Variants in GLIPR1 observed in about 807,000 individuals in gnomAD.
GLIPR1 encodes the protein glioma pathogenesis-related protein 1.
A neutral mutation model predicts 30.3 loss-of-function variants in GLIPR1; 38 were observed. That is an observed-to-expected ratio of 1.26 (90% CI 0.97 to 1.65). GLIPR1 has a LOEUF of 1.65. GLIPR1 is among the 40% of genes most tolerant of loss of function. The pLI is 0.00. For missense variants in GLIPR1, 285 were observed against 326.5 expected, an observed-to-expected ratio of 0.87 and a Z score of 0.98; for synonymous variants, 122 against 110.6, an observed-to-expected ratio of 1.10 and a Z score of -0.65.
chr12:75,495,997 GTTTT>G lies in GLIPR1; in HGVS notation c.619+343_619+346del, dbSNP rs370713345. The G allele has an allele frequency of 1.3e-4, 17 of 132,332 alleles. No individual in the cohort carries two copies. In the East Asian group the frequency reaches 2.8e-3, roughly 22 times the overall value. The allele number at this position is 132,332 out of a possible 1,614,324, so 8.2% of individuals were successfully genotyped here. The stretch of plus-strand genomic sequence containing the variant: ...TCCAAACAAACAGAATTCTGTTTTC[GTTTT>G]TTTTTTTGTTTTTTTTTTTTGAGAC... On this transcript the variant is annotated intron_variant, in intron 4 of 5. Transcript: ENST00000266659.
At chr12:75,491,480 T>C (rs2046323537) in intron 3 of GLIPR1, 1 of 152,248 alleles carries the variant, frequency 6.6e-6, no homozygotes, top group African/African-American at 2.4e-5. Context: ...ACCTCATATA[T>C]GTATCTTCAG....
chr12:75,480,974 G>T lies in GLIPR1; in HGVS notation c.94G>T (p.Asp32Tyr), dbSNP rs371352627. 2.5e-6 allele frequency: 4 copies of T among 1,613,834 alleles called. No homozygotes were observed. Among genetic ancestry groups the T allele is most frequent in the Non-Finnish European group, 3.4e-6 (4 of 1,179,798 alleles). ...TATTTTGCCAGATATCGAAAATGAA[G>T]ATTTCATCAAAGACTGCGTTCGAAT... ...ANILPDIENE[D>Y]FIKDCVRIHN... The change falls in exon 1 of 6, where the codon GAT (aspartate) becomes TAT (tyrosine). Residue 32 changes from aspartate (D) to tyrosine (Y), a missense_variant. Physicochemically the swap from Asp to Tyr is radical, Grantham distance 160. Coordinates refer to ENST00000266659, the MANE Select transcript of GLIPR1 (RefSeq NM_006851.3).
rs2046380661 is a variant in GLIPR1, at chr12:75,500,012, A to G, written c.*1034A>G. On this transcript the variant is annotated 3_prime_UTR_variant, in exon 6 of 6. Coordinates refer to ENST00000266659, the MANE Select transcript of GLIPR1 (RefSeq NM_006851.3). ...TAGATTTTACCAAGTAAAACAAAGA[A>G]TATATGTTTAACAAAGAATATATGT... 1 of 1,312,664 alleles carries G rather than the reference A, an allele frequency of 7.6e-7. No homozygotes were observed. The highest frequency in any genetic ancestry group is 1.5e-5 in the African/African-American group (1 of 65,548). 81.3% of individuals were successfully genotyped at this position (1,312,664 alleles called of 1,614,324 possible). A position where few individuals can be genotyped will look rare whatever the true frequency, so the allele number is the denominator to read the frequency against.
In GLIPR1 at chr12:75,500,501, T is replaced by C. The variant is rs1224992164; in HGVS notation, c.*1523T>C. ...ATTGAATATTCAATGAATTAATTCA[T>C]TTAATGTTAGATTAATTCATTGAAT... On this transcript the variant is annotated 3_prime_UTR_variant, in exon 6 of 6. Transcript: ENST00000266659. 6.6e-6 allele frequency: 1 copy of C among 150,998 alleles called. No individual in the cohort carries two copies. The highest frequency in any genetic ancestry group is 1.5e-5 in the Non-Finnish European group (1 of 67,612). The allele number at this position is 150,998 out of a possible 1,614,324, so 9.4% of individuals were successfully genotyped here.
At chr12:75,491,425 G>T (rs552247173) in intron 3 of GLIPR1, 55 of 152,284 alleles carry the variant, frequency 3.6e-4, no homozygotes, top group African/African-American at 1.3e-3. Flanking sequence ...TCCTGTTGAA[G>T]AATTTAGATT....
intron 2 of GLIPR1, among the ~76,000 whole-genome samples, chr12:75,483,248 G>A (rs908330786): frequency 6.6e-6 from 1 of 152,156 alleles, no homozygotes; most frequent in African/African-American, 2.4e-5. Context: ...ACAAGACCTA[G>A]GGGAGTAGAA....
chr12:75,491,605 A>T (rs142755165), intron 3 of GLIPR1: 28 of 152,240 alleles, frequency 1.8e-4, no homozygotes, highest in Admixed American at 5.9e-4. Flanking sequence ...TTTGTATTTC[A>T]CCATCAGTAC....
At chr12:75,490,729 T>A in intron 3 of GLIPR1, 1 of 360,792 alleles carries the variant, frequency 2.8e-6, no homozygotes, top group Non-Finnish European at 5.1e-6. Context: ...AGAGAGAGGG[T>A]GTGTGTGTGT....
intron 2 of GLIPR1, among the ~76,000 whole-genome samples, chr12:75,483,218 A>G (rs557698498): frequency 6.6e-6 from 1 of 152,338 alleles, no homozygotes; most frequent in South Asian, 2.1e-4. Context: ...TAACCAGGAA[A>G]TAAGTTTCCT....
chr12:75,481,630 CACTT>C (rs1333892103), intron 1 of GLIPR1, among the ~76,000 whole-genome samples, 200 bp from the exon 2 acceptor site: 1 of 152,172 alleles, frequency 6.6e-6, no homozygotes, highest in Non-Finnish European at 1.5e-5. Context: ...CAGTTTTCCT[CACTT>C]AGATTCTAAA....
rs770029786 is a variant in GLIPR1, at chr12:75,490,413, G to A, written c.428G>A (p.Trp143Ter). ...KVCGHYTQVV[W>*]ADSYKVGCAV... ...ATCCTTATTTCCTTTCAGGTTGTTT[G>A]GGCAGATAGTTACAAAGTTGGCTGC... Residue 143 changes from tryptophan (W) to a stop codon, truncating the protein, a stop_gained, in exon 3 of 6, where the codon TGG becomes TAG. Coordinates refer to ENST00000266659, the MANE Select transcript of GLIPR1 (RefSeq NM_006851.3). LOFTEE classifies it high-confidence loss of function. 2.5e-6 allele frequency: 4 copies of A among 1,573,678 alleles called. No homozygotes were observed. In the Admixed American group the frequency reaches 5.0e-5, roughly 20 times the overall value.
Position 75,499,740 on chromosome 12 carries a change from C to G in GLIPR1, c.*762C>G, listed in dbSNP as rs747624039. The G allele has an allele frequency of 1.6e-6, 2 of 1,218,186 alleles. No individual in the cohort carries two copies. The highest frequency in any genetic ancestry group is 2.2e-6 in the Non-Finnish European group (2 of 896,556). 75.5% of individuals were successfully genotyped at this position (1,218,186 alleles called of 1,614,324 possible). ...CTCAGAAAATTTCTCACAAATAAGG[C>G]AACTAATGCCTGATATCTCAAAATC... On this transcript the variant is annotated 3_prime_UTR_variant, in exon 6 of 6. Coordinates refer to ENST00000266659, the MANE Select transcript of GLIPR1 (RefSeq NM_006851.3).
chr12:75,494,501 T>TCTC (rs1288895867), intron 3 of GLIPR1: 34 of 152,178 alleles, frequency 2.2e-4, no homozygotes, highest in African/African-American at 8.0e-4. Flanking sequence ...CGGTAGATCT[T>TCTC]AATAGAGAAG....
In GLIPR1 at chr12:75,503,802, T is replaced by C. The variant is rs1697751; in HGVS notation, c.*4824T>C. ...GCTCTGCACACACACACACAATATA[T>C]ATATATACACATATCCCACCTGAAA... On this transcript the variant is annotated 3_prime_UTR_variant, in exon 6 of 6. Coordinates refer to ENST00000266659, the MANE Select transcript of GLIPR1 (RefSeq NM_006851.3). 6,786 of 1,026,340 alleles carry C rather than the reference T, an allele frequency of 6.6e-3. 302 individuals are homozygous for C. In the African/African-American group the frequency reaches 0.097, roughly 15 times the overall value. 63.6% of individuals were successfully genotyped at this position (1,026,340 alleles called of 1,614,324 possible).
rs983864632 is a variant in GLIPR1 at position 75,503,775 on chromosome 12, T to C, written c.*4797T>C. On this transcript the variant is annotated 3_prime_UTR_variant, in exon 6 of 6. Transcript: ENST00000266659. ...ATTTATATTTACCCTCAGTTTCTTA[T>C]AGCTCTGCACACACACACACAATAT... 4 of 798,748 alleles carry C rather than the reference T, an allele frequency of 5.0e-6. No individual in the cohort carries two copies. The highest frequency in any genetic ancestry group is 7.6e-6 in the Non-Finnish European group (4 of 525,838). 49.5% of individuals were successfully genotyped at this position (798,748 alleles called of 1,614,324 possible).
In GLIPR1 at chr12:75,502,094, G is replaced by T; in HGVS notation, c.*3116G>T. ...ACAATATCCTTAGGGTAAAAACAAT[G>T]GGGTCAAACTGATTTATTAATAAAA... On this transcript the variant is annotated 3_prime_UTR_variant, in exon 6 of 6. Coordinates refer to ENST00000266659, the MANE Select transcript of GLIPR1 (RefSeq NM_006851.3). The T allele has an allele frequency of 1.1e-6, 1 of 946,734 alleles. No individual in the cohort carries two copies. The highest frequency in any genetic ancestry group is 1.7e-6 in the Non-Finnish European group (1 of 596,920). The allele number at this position is 946,734 out of a possible 1,614,324, so 58.6% of individuals were successfully genotyped here.
intron 4 of GLIPR1, chr12:75,496,699 G>C (rs1371757900): frequency 1.3e-5 from 2 of 152,170 alleles, no homozygotes; most frequent in Non-Finnish European, 2.9e-5. Flanking sequence ...TAGAATAGAG[G>C]AAGGACAGAG....
intron 4 of GLIPR1, 187 bp from the exon 5 acceptor site, chr12:75,498,507 G>C: frequency 1.9e-6 from 1 of 529,796 alleles, no homozygotes; most frequent in Admixed American, 3.5e-5. Context: ...TATGTAAAAA[G>C]TCAACTTAAA....
chr12:75,488,829 ATCT>A (rs992201180), intron 2 of GLIPR1, among the ~76,000 whole-genome samples: 6 of 152,156 alleles, frequency 3.9e-5, no homozygotes, highest in Non-Finnish European at 8.8e-5. Flanking sequence ...TGCCCTTAGC[ATCT>A]TCCACTGCCT....
Sources: allele counts gnomAD v4.1 joint callset (sites outside exome capture counted in the v4.1 genomes callset), GRCh38; gene constraint gnomAD v4.1.1; transcripts MANE v1.5; gene names NCBI Gene and HGNC (gene_info 2026-07-23, HGNC 2026-07-21).